Variants in WDR72 observed in about 807,000 individuals in gnomAD.
The protein encoded by WDR72 is WD repeat domain 72, also known as WD repeat-containing protein 72.
A neutral mutation model predicts 124.2 loss-of-function variants in WDR72; 120 were observed. That is an observed-to-expected ratio of 0.97 (90% CI 0.83 to 1.12). The LOEUF (loss-of-function observed/expected upper bound fraction) is 1.12, where lower values mean the gene tolerates loss of function less well. Ranked by LOEUF, WDR72 falls within the 50% of genes most tolerant of loss-of-function variation. The pLI, the probability that WDR72 is intolerant of heterozygous loss-of-function variation, is 0.00. For missense variants in WDR72, 1,387 were observed against 1,278.8 expected, an observed-to-expected ratio of 1.08 and a Z score of -1.29; for synonymous variants, 452 against 441.7, an observed-to-expected ratio of 1.02 and a Z score of -0.29.
chr15:53,541,345 G>A (rs1893119198), intron 18 of WDR72, among the ~76,000 whole-genome samples: 1 of 152,048 alleles, frequency 6.6e-6, no homozygotes. Flanking sequence ...CCTGACCCCC[G>A]AGCAGCCTAA....
At chr15:53,716,804 A>T in intron 3 of WDR72, 119 bp from the exon 4 acceptor site, 1 of 742,228 alleles carries the variant, frequency 1.3e-6, no homozygotes, top group South Asian at 1.4e-5. Flanking sequence ...TTTGTTACAG[A>T]TTTTGGGCAA....
In WDR72 at chr15:53,615,648, A is replaced by T; in HGVS notation, c.2558T>A (p.Met853Lys). Residue 853 changes from methionine (M) to lysine (K), a missense_variant, in exon 15 of 20, where the codon ATG becomes AAG. Physicochemically the swap from Met to Lys is moderately conservative, Grantham distance 95. Transcript: ENST00000360509. Reference protein sequence around the residue: ...LPGWDLCNSGMIKDYSGVNLF... With the variant: ...LPGWDLCNSGKIKDYSGVNLF... ...ATTTACTCCTGAATAGTCTTTTATC[A>T]TTCCACTATTGCATAAATCCCAACC... is the stretch of plus-strand genomic sequence containing the variant. 1 of 1,611,804 alleles carries T rather than the reference A, an allele frequency of 6.2e-7. No individual in the cohort carries two copies. Among genetic ancestry groups the T allele is most frequent in the Non-Finnish European group, 8.5e-7 (1 of 1,178,656 alleles).
At chr15:53,699,719 A>G in intron 13 of WDR72, 31 bp downstream of exon 13, 2 of 1,606,578 alleles carry the variant, frequency 1.2e-6, no homozygotes, top group Non-Finnish European at 1.7e-6. Flanking sequence ...ATAAATATAT[A>G]AAGAATGAAA....
chr15:53,605,149 T>C (rs2013221980), intron 17 of WDR72, among the ~76,000 whole-genome samples: 2 of 152,240 alleles, frequency 1.3e-5, no homozygotes, highest in South Asian at 4.1e-4. Context: ...CATGGAATAC[T>C]ATGCAGCCAT....
intron 2 of WDR72, among the ~76,000 whole-genome samples, chr15:53,726,058 TGA>T (rs1471950039): frequency 1.3e-5 from 2 of 150,136 alleles, no homozygotes; most frequent in African/African-American, 4.9e-5. Context: ...GGTGACAGAA[TGA>T]GAGTTCATCT....
chr15:53,577,169 T>C (rs900728480), intron 18 of WDR72, among the ~76,000 whole-genome samples: 1 of 152,148 alleles, frequency 6.6e-6, no homozygotes, highest in African/African-American at 2.4e-5. Flanking sequence ...CCTCACAAAA[T>C]TATGACTTTC....
chr15:53,600,458 G>T (rs889272767), intron 17 of WDR72, among the ~76,000 whole-genome samples: 2 of 151,978 alleles, frequency 1.3e-5, no homozygotes, highest in Non-Finnish European at 2.9e-5. Flanking sequence ...TCTTTTATGA[G>T]GCAATGTACA....
intron 17 of WDR72, among the ~76,000 whole-genome samples, chr15:53,607,614 T>A (rs980251157): frequency 6.6e-6 from 1 of 151,866 alleles, no homozygotes; most frequent in Admixed American, 6.6e-5. Context: ...TGGGCAAAAA[T>A]TTCCTGAGTA....
At chr15:53,652,615 TAGTAA>T (rs1470492086) in intron 14 of WDR72, among the ~76,000 whole-genome samples, 2 of 152,146 alleles carry the variant, frequency 1.3e-5, no homozygotes, top group Non-Finnish European at 1.5e-5. Context: ...GGGGAGGGCT[TAGTAA>T]AGTAATTATT....
intron 13 of WDR72, among the ~76,000 whole-genome samples, chr15:53,672,572 T>C (rs1413836760): frequency 6.6e-6 from 1 of 152,148 alleles, no homozygotes; most frequent in African/African-American, 2.4e-5. Flanking sequence ...GATCTTGCAA[T>C]ATCAGGCTGT....
chr15:53,668,595 T>C (rs962922254), intron 13 of WDR72, among the ~76,000 whole-genome samples: 2 of 152,112 alleles, frequency 1.3e-5, no homozygotes, highest in South Asian at 2.1e-4. Flanking sequence ...TGGAAACACC[T>C]AGTAGAAGAA....
intron 17 of WDR72, among the ~76,000 whole-genome samples, chr15:53,600,838 A>C (rs562397050): frequency 6.6e-6 from 1 of 152,254 alleles, no homozygotes; most frequent in South Asian, 2.1e-4. Context: ...AATCCAAAGA[A>C]ATTTAGTGCA....
At chr15:53,650,893 GTTTT>G (rs71297666) in intron 14 of WDR72, among the ~76,000 whole-genome samples, 16 of 106,776 alleles carry the variant, frequency 1.5e-4, no homozygotes, top group South Asian at 3.7e-4. Context: ...CTCTAATTCA[GTTTT>G]TTTTTTTTTT....
intron 1 of WDR72, among the ~76,000 whole-genome samples, chr15:53,755,535 A>G (rs2018878351): frequency 6.6e-6 from 1 of 152,268 alleles, no homozygotes; most frequent in South Asian, 2.1e-4. Flanking sequence ...TATGCAATGC[A>G]TCACAGAAAA....
intron 19 of WDR72, among the ~76,000 whole-genome samples, chr15:53,519,766 G>A (rs1566938069): frequency 2.0e-5 from 3 of 152,016 alleles, no homozygotes; most frequent in Non-Finnish European, 4.4e-5. Flanking sequence ...GATGAATAAG[G>A]TAGAGTGCTC....
At chr15:53,556,503 G>A (rs934723928) in intron 18 of WDR72, among the ~76,000 whole-genome samples, 18 of 151,960 alleles carry the variant, frequency 1.2e-4, no homozygotes, top group African/African-American at 4.4e-4. Flanking sequence ...GGATGGAACT[G>A]ACTTATCAAC....
At chr15:53,585,034 A>G (rs1041800757) in intron 18 of WDR72, among the ~76,000 whole-genome samples, 13 of 151,868 alleles carry the variant, frequency 8.6e-5, no homozygotes, top group South Asian at 2.1e-4. Context: ...AAAATCATTT[A>G]CTCTTCCTCT....
intron 13 of WDR72, 76 bp from the exon 14 acceptor site, chr15:53,665,844 T>C (rs1460554772): frequency 1.1e-5 from 16 of 1,412,004 alleles, no homozygotes; most frequent in Non-Finnish European, 4.0e-6. Context: ...AAACACTCTT[T>C]AGCAGAAGAA....
chr15:53,696,011 G>T (rs1258401052), intron 13 of WDR72, among the ~76,000 whole-genome samples: 1 of 152,016 alleles, frequency 6.6e-6, no homozygotes, highest in Non-Finnish European at 1.5e-5. Context: ...ATTACTTTTG[G>T]CTTCAAGCCC....
Sources: gnomAD v4.1 joint callset for allele counts (sites outside exome capture counted in the v4.1 genomes callset) on GRCh38, gnomAD v4.1.1 for gene constraint, MANE v1.5 for transcripts, NCBI Gene and HGNC (gene_info 2026-07-23, HGNC 2026-07-21) for gene names.